DLGAP1: variants seen among roughly 807,000 people sequenced by gnomAD.
DLGAP1 encodes the protein DLG associated protein 1.
In DLGAP1, 11 loss-of-function variants were observed where a neutral mutation model predicts 90.8. That is an observed-to-expected ratio of 0.12 (90% CI 0.08 to 0.20). The LOEUF is 0.20. Ranked by LOEUF, DLGAP1 falls within the 10% of genes least tolerant of loss-of-function variation. The pLI, the probability that DLGAP1 is intolerant of heterozygous loss-of-function variation, is 1.00. For missense variants in DLGAP1, 1,050 were observed against 1,333.8 expected, an observed-to-expected ratio of 0.79 and a Z score of 3.31; for synonymous variants, 558 against 540.7, an observed-to-expected ratio of 1.03 and a Z score of -0.44.
chr18:3,656,793 C>T (rs950165954), intron 7 of DLGAP1, among the ~76,000 whole-genome samples: 8 of 151,606 alleles, frequency 5.3e-5, no homozygotes, highest in Admixed American at 5.3e-4. Context: ...AGTGCAGTGG[C>T]GCAATCTCGG....
At chr18:3,763,137 C>T (rs1439513285) in intron 5 of DLGAP1, among the ~76,000 whole-genome samples, 1 of 152,170 alleles carries the variant, frequency 6.6e-6, no homozygotes, top group African/African-American at 2.4e-5. Context: ...GGCAGACCCA[C>T]CCTTAATTTG....
At chr18:3,820,098 T>C (rs2067323851) in intron 4 of DLGAP1, among the ~76,000 whole-genome samples, 1 of 152,114 alleles carries the variant, frequency 6.6e-6, no homozygotes, top group African/African-American at 2.4e-5. Context: ...AGACGATGAT[T>C]GAGAGATGAA....
chr18:3,892,704 G>GA (rs945852228), intron 3 of DLGAP1, among the ~76,000 whole-genome samples: 7 of 151,902 alleles, frequency 4.6e-5, no homozygotes, highest in East Asian at 3.9e-4. Flanking sequence ...AAAGCCTTTG[G>GA]AAAAAAGAAG....
At chr18:4,353,665 T>G (rs1009529431) in intron 1 of DLGAP1, among the ~76,000 whole-genome samples, 7 of 151,578 alleles carry the variant, frequency 4.6e-5, no homozygotes, top group African/African-American at 1.7e-4. Flanking sequence ...GTAAGATATT[T>G]AAAATGTTAT....
At chr18:4,360,028 G>A (rs722606) in intron 1 of DLGAP1, among the ~76,000 whole-genome samples, 14,845 of 152,220 alleles carry the variant, frequency 0.098, 756 homozygotes, top group African/African-American at 0.14. Flanking sequence ...TTATCCAAGT[G>A]TGGTTCTCAG....
chr18:4,023,609 T>C (rs2074650177), intron 2 of DLGAP1, among the ~76,000 whole-genome samples: 1 of 152,210 alleles, frequency 6.6e-6, no homozygotes, highest in South Asian at 2.1e-4. Flanking sequence ...ATAAGCTTAT[T>C]TTTTTTCAAA....
chr18:4,345,379 G>C (rs1163391975), intron 1 of DLGAP1, among the ~76,000 whole-genome samples: 1 of 152,182 alleles, frequency 6.6e-6, no homozygotes, highest in African/African-American at 2.4e-5. Flanking sequence ...TTTTAAGTTT[G>C]AGGAAAAGAT....
At chr18:3,788,775 C>T (rs1333277176) in intron 5 of DLGAP1, among the ~76,000 whole-genome samples, 2 of 152,010 alleles carry the variant, frequency 1.3e-5, no homozygotes, top group Non-Finnish European at 2.9e-5. Flanking sequence ...TGTAAATACA[C>T]AGAGAAATAG....
intron 10 of DLGAP1, among the ~76,000 whole-genome samples, chr18:3,528,467 G>A (rs2051791924): frequency 1.3e-5 from 2 of 152,188 alleles, no homozygotes; most frequent in Admixed American, 6.5e-5. Flanking sequence ...TGCATGGCGG[G>A]CTTTAAGGAG....
chr18:4,353,703 C>T (rs1450748353), intron 1 of DLGAP1, among the ~76,000 whole-genome samples: 1 of 150,634 alleles, frequency 6.6e-6, no homozygotes, highest in Non-Finnish European at 1.5e-5. Context: ...ATATAACATA[C>T]ACACGATATA....
chr18:3,828,990 TCTATAGAGAATG>T (rs1274110520), intron 4 of DLGAP1, among the ~76,000 whole-genome samples: 5 of 152,214 alleles, frequency 3.3e-5, no homozygotes. Flanking sequence ...TAAATCCTTC[TCTATAGAGAATG>T]CTTATAAAAG....
chr18:4,363,148 T>C (rs920652374), intron 1 of DLGAP1, among the ~76,000 whole-genome samples: 2 of 152,152 alleles, frequency 1.3e-5, no homozygotes, highest in African/African-American at 4.8e-5. Context: ...AGCTCCCCAA[T>C]ATTCCTTGTG....
chr18:3,676,935 C>A (rs1791368), intron 7 of DLGAP1, among the ~76,000 whole-genome samples: 145,652 of 152,174 alleles, frequency 0.96, 69,760 homozygotes, highest in East Asian at 1. Context: ...TTTCTTTCCC[C>A]TTGCCCTTTA....
At chr18:3,922,152 A>C (rs901770434) in intron 3 of DLGAP1, among the ~76,000 whole-genome samples, 3 of 152,224 alleles carry the variant, frequency 2.0e-5, no homozygotes, top group African/African-American at 7.2e-5. Flanking sequence ...AAGAACATTT[A>C]ATTTGACAAT....
chr18:3,686,372 TC>T (rs1305344655), intron 7 of DLGAP1, among the ~76,000 whole-genome samples: 2 of 152,164 alleles, frequency 1.3e-5, no homozygotes, highest in African/African-American at 4.8e-5. Flanking sequence ...TTTAGACAGC[TC>T]TTGTTTTGAG....
chr18:3,925,242 T>C (rs947043503), intron 3 of DLGAP1, among the ~76,000 whole-genome samples: 3 of 151,766 alleles, frequency 2.0e-5, no homozygotes, highest in Non-Finnish European at 4.4e-5. Flanking sequence ...TGTGAGCCAC[T>C]GCGCCCAGCA....
chr18:4,040,035 C>T (rs2074952024), intron 2 of DLGAP1, among the ~76,000 whole-genome samples: 1 of 152,188 alleles, frequency 6.6e-6, no homozygotes, highest in Non-Finnish European at 1.5e-5. Flanking sequence ...TTCAAGGACT[C>T]CCAATTTGGG....
chr18:4,042,232 C>CA (rs2074985929), intron 2 of DLGAP1, among the ~76,000 whole-genome samples: 1 of 152,126 alleles, frequency 6.6e-6, no homozygotes, highest in African/African-American at 2.4e-5. Flanking sequence ...GGAAGGTTTG[C>CA]AAAAATCACA....
chr18:3,759,852 G>A (rs577327146), intron 5 of DLGAP1, among the ~76,000 whole-genome samples: 4 of 152,190 alleles, frequency 2.6e-5, no homozygotes, highest in Non-Finnish European at 4.4e-5. Context: ...TGGTAAGACT[G>A]TCACCAGGTA....
Sources: allele counts gnomAD v4.1 joint callset (sites outside exome capture counted in the v4.1 genomes callset), GRCh38; gene constraint gnomAD v4.1.1; transcripts MANE v1.5; gene names NCBI Gene and HGNC (gene_info 2026-07-23, HGNC 2026-07-21).